The following COL5A2 variants were observed in gnomAD, a reference collection of about 807,000 sequenced individuals.
COL5A2 encodes collagen type V alpha 2 chain.
In COL5A2, 23 loss-of-function variants were observed where a neutral mutation model predicts 208.2. The ratio of observed to expected loss-of-function variants is 0.11; its 90% CI spans 0.08 to 0.16. COL5A2 has a LOEUF of 0.16. Among genes scored for constraint, COL5A2 ranks in the 10% least tolerant of loss-of-function variants. The pLI is 1.00. For synonymous variants in COL5A2, 625 were observed against 628.5 expected, an observed-to-expected ratio of 0.99 and a Z score of 0.08; for missense variants, 1,590 against 1,956.4, an observed-to-expected ratio of 0.81 and a Z score of 3.53.
chr2:189,086,824 A>C, intron 8 of COL5A2, 54 bp from the exon 9 acceptor site: 9 of 1,429,968 alleles, frequency 6.3e-6, no homozygotes, highest in Non-Finnish European at 8.7e-6. Context: ...ATTAGGTCAA[A>C]TATTTCAAAA....
At chr2:189,385,941 C>G in the COL5A2 span, among the ~76,000 whole-genome samples, 1 of 152,186 alleles carries the variant, frequency 6.6e-6, no homozygotes, top group African/African-American at 2.4e-5. Flanking sequence ...CACAGTTCCA[C>G]ATGGCTGGGG....
the COL5A2 span, among the ~76,000 whole-genome samples, chr2:189,415,669 TC>T: frequency 8.7e-3 from 1,329 of 152,290 alleles, 18 homozygotes; most frequent in African/African-American, 0.03. Flanking sequence ...TATACATTTT[TC>T]TTTTTTTTGG....
the COL5A2 span, among the ~76,000 whole-genome samples, chr2:189,328,808 T>C: frequency 6.6e-6 from 1 of 152,240 alleles, no homozygotes; most frequent in Non-Finnish European, 1.5e-5. Context: ...TGAAAGCCTA[T>C]GCCTGTAAGT....
chr2:189,184,616 C>T (rs1442231625), upstream of COL5A2, among the ~76,000 whole-genome samples: 1 of 152,190 alleles, frequency 6.6e-6, no homozygotes, highest in Admixed American at 6.5e-5. Flanking sequence ...CCTGACATGT[C>T]TTCGTTGTCA....
At chr2:189,315,183 T>G in the COL5A2 span, among the ~76,000 whole-genome samples, 18 of 152,118 alleles carry the variant, frequency 1.2e-4, no homozygotes, top group Non-Finnish European at 2.5e-4. Context: ...AACAAAATAC[T>G]GGCAAGCCAA....
the COL5A2 span, among the ~76,000 whole-genome samples, chr2:189,363,399 TC>T: frequency 1.3e-5 from 2 of 152,282 alleles, no homozygotes; most frequent in East Asian, 1.9e-4. Flanking sequence ...ATCCTTTTTT[TC>T]CATTTGTAAT....
At chr2:189,120,614 A>C (rs1687480919) in intron 1 of COL5A2, among the ~76,000 whole-genome samples, 1 of 152,190 alleles carries the variant, frequency 6.6e-6, no homozygotes, top group Admixed American at 6.5e-5. Flanking sequence ...TCATCTATTG[A>C]TTCTCCTTTG....
At chr2:189,303,897 G>C in the COL5A2 span, among the ~76,000 whole-genome samples, 1 of 152,048 alleles carries the variant, frequency 6.6e-6, no homozygotes, top group Non-Finnish European at 1.5e-5. Context: ...GGGGCTGCCC[G>C]AGTCATGAAT....
the COL5A2 span, among the ~76,000 whole-genome samples, chr2:189,274,547 G>T: frequency 6.6e-6 from 1 of 152,086 alleles, no homozygotes; most frequent in Admixed American, 6.6e-5. Context: ...CTCAGCTTCT[G>T]CACTAAAAAC....
At chr2:189,065,362 T>C (rs1324244551) in intron 23 of COL5A2, among the ~76,000 whole-genome samples, 1 of 152,122 alleles carries the variant, frequency 6.6e-6, no homozygotes, top group Non-Finnish European at 1.5e-5. Flanking sequence ...AAAACCTGTC[T>C]CTACTAAAAA....
intron 1 of COL5A2, among the ~76,000 whole-genome samples, chr2:189,161,603 C>T (rs1688365740): frequency 6.6e-6 from 1 of 152,140 alleles, no homozygotes; most frequent in African/African-American, 2.4e-5. Context: ...AGACAGCAAT[C>T]TAACAACAGA....
chr2:189,037,057 C>T (rs1048832964), intron 51 of COL5A2, among the ~76,000 whole-genome samples: 2 of 152,034 alleles, frequency 1.3e-5, no homozygotes, highest in African/African-American at 4.8e-5. Flanking sequence ...TATCATTACC[C>T]CCATTTTATA....
chr2:189,133,722 C>T (rs1304432894), intron 1 of COL5A2, among the ~76,000 whole-genome samples: 1 of 152,056 alleles, frequency 6.6e-6, no homozygotes, highest in Non-Finnish European at 1.5e-5. Context: ...TCCATCCTTA[C>T]GACAGAGGGG....
chr2:189,347,978 G>T, the COL5A2 span, among the ~76,000 whole-genome samples: 1 of 151,996 alleles, frequency 6.6e-6, no homozygotes, highest in Non-Finnish European at 1.5e-5. Context: ...TGAAAAGAAG[G>T]ATTAATTTAA....
intron 1 of COL5A2, among the ~76,000 whole-genome samples, chr2:189,191,564 C>G (rs1172031277): frequency 6.6e-6 from 1 of 152,042 alleles, no homozygotes; most frequent in African/African-American, 2.4e-5. Context: ...TCACTTGAAC[C>G]TGGGAGGCAG....
At chr2:189,053,130 T>A in intron 38 of COL5A2, 112 bp from the exon 39 acceptor site, 3 of 930,116 alleles carry the variant, frequency 3.2e-6, no homozygotes, top group Non-Finnish European at 5.0e-6. Flanking sequence ...CAGTGCTTTA[T>A]AATCAGTATT....
At chr2:189,363,660 T>C in the COL5A2 span, among the ~76,000 whole-genome samples, 2 of 152,142 alleles carry the variant, frequency 1.3e-5, no homozygotes, top group African/African-American at 4.8e-5. Flanking sequence ...AGCCTCTTAA[T>C]ACTAATAAGA....
At chr2:189,263,026 C>A in the COL5A2 span, among the ~76,000 whole-genome samples, 1 of 151,946 alleles carries the variant, frequency 6.6e-6, no homozygotes, top group Non-Finnish European at 1.5e-5. Flanking sequence ...TGAAGTTGTT[C>A]CTATGCTCAA....
At chr2:189,438,878 G>A in the COL5A2 span, among the ~76,000 whole-genome samples, 1 of 152,244 alleles carries the variant, frequency 6.6e-6, no homozygotes, top group African/African-American at 2.4e-5. Context: ...AAAACCCAAA[G>A]CTGTTACAAT....
Sources: gnomAD v4.1 joint callset for allele counts (sites outside exome capture counted in the v4.1 genomes callset) on GRCh38, gnomAD v4.1.1 for gene constraint, MANE v1.5 for transcripts, NCBI Gene and HGNC (gene_info 2026-07-23, HGNC 2026-07-21) for gene names.